Variants in CNDP1 observed in about 807,000 individuals in gnomAD.
CNDP1 encodes the protein carnosine dipeptidase 1, also known as beta-Ala-His dipeptidase.
A neutral mutation model predicts 58.1 loss-of-function variants in CNDP1; 44 were observed. The ratio of observed to expected loss-of-function variants is 0.76; its 90% CI spans 0.60 to 0.97. The LOEUF (loss-of-function observed/expected upper bound fraction) is 0.97. CNDP1 is among the 50% of genes least tolerant of loss of function. CNDP1 has a pLI of 0.00. For synonymous variants in CNDP1, 254 were observed against 252.6 expected, an observed-to-expected ratio of 1.01 and a Z score of -0.05; for missense variants, 616 against 655.1, an observed-to-expected ratio of 0.94 and a Z score of 0.65.
rs779379707 is a variant in CNDP1 at position 74,562,140 on chromosome 18, G to A, written c.555+5G>A. ...GCCTTCAGAGCCCTGGAGCAAGTAG[G>A]TGGCAGCTGTGTTTGGGAGAGAGGA... On this transcript the variant is annotated splice_donor_5th_base_variant and intron_variant, in intron 5 of 11. Transcript: ENST00000358821. 5.0e-6 allele frequency: 8 copies of A among 1,613,774 alleles called. No individual in the cohort carries two copies. The East Asian group carries it at 8.9e-5, about 18-fold the overall frequency.
At chr18:74,544,471 C>G (rs1980705930) in intron 1 of CNDP1, among the ~76,000 whole-genome samples, 1 of 151,920 alleles carries the variant, frequency 6.6e-6, no homozygotes, top group Non-Finnish European at 1.5e-5. Context: ...AATCCCAGCA[C>G]TTTGGGAGGC....
At chr18:74,563,062 C>T (rs1053860468) in intron 5 of CNDP1, among the ~76,000 whole-genome samples, 1 of 152,236 alleles carries the variant, frequency 6.6e-6, no homozygotes, top group African/African-American at 2.4e-5. Context: ...GCACCCTGTC[C>T]TGCAGAGCAG....
At chr18:74,555,852 C>T (rs776997613) in intron 1 of CNDP1, among the ~76,000 whole-genome samples, 4 of 152,152 alleles carry the variant, frequency 2.6e-5, no homozygotes, top group Non-Finnish European at 5.9e-5. Flanking sequence ...TGTTAAAGTA[C>T]TGTGATTTCA....
chr18:74,578,404 C>A lies in CNDP1; in HGVS notation c.1167+77C>A, dbSNP rs961813224. ...ATCCCGCACATCACGGCTTAGTGAG[C>A]AGTGAGGTTGCTACCATTGGAGTAT... On this transcript the variant is annotated intron_variant, in intron 9 of 11. Coordinates refer to ENST00000358821, the MANE Select transcript of CNDP1 (RefSeq NM_032649.6). The A allele has an allele frequency of 3.6e-6, 5 of 1,399,198 alleles. No individual in the cohort carries two copies. The African/African-American group carries it at 4.4e-5, about 12-fold the overall frequency. 86.7% of individuals were successfully genotyped at this position (1,399,198 alleles called of 1,614,324 possible). A position where few individuals can be genotyped will look rare whatever the true frequency, so the allele number is the denominator to read the frequency against.
intron 10 of CNDP1, among the ~76,000 whole-genome samples, chr18:74,581,136 G>T (rs1568301591): frequency 6.6e-6 from 1 of 151,786 alleles, no homozygotes; most frequent in African/African-American, 2.4e-5. Context: ...GGCTTTAATG[G>T]CCTTGGGCCA....
At chr18:74,583,494 C>G (rs1421713983) in intron 10 of CNDP1, 67 bp from the exon 11 acceptor site, 4 of 1,354,506 alleles carry the variant, frequency 3.0e-6, no homozygotes, top group Admixed American at 1.7e-5. Flanking sequence ...GAGGCACTGA[C>G]CTTGAGGAGC....
At chr18:74,542,650 T>A (rs1980654680) in intron 1 of CNDP1, among the ~76,000 whole-genome samples, 1 of 152,232 alleles carries the variant, frequency 6.6e-6, no homozygotes, top group African/African-American at 2.4e-5. Flanking sequence ...TCAAACCTCC[T>A]GAGTTGCTGG....
intron 5 of CNDP1, among the ~76,000 whole-genome samples, chr18:74,562,949 T>A (rs1981238661): frequency 6.6e-6 from 1 of 152,136 alleles, no homozygotes; most frequent in Non-Finnish European, 1.5e-5. Context: ...ATGTGTGCAC[T>A]CCTCCAGGTC....
chr18:74,539,706 G>T (rs776594218), intron 1 of CNDP1, among the ~76,000 whole-genome samples: 1 of 152,216 alleles, frequency 6.6e-6, no homozygotes, highest in African/African-American at 2.4e-5. Context: ...GACACTGCCT[G>T]CTTGCCAAGG....
chr18:74,541,941 TTGTGAAAG>T (rs1980635874), intron 1 of CNDP1, among the ~76,000 whole-genome samples: 1 of 152,070 alleles, frequency 6.6e-6, no homozygotes, highest in East Asian at 1.9e-4. Context: ...ATGGGGCGCA[TTGTGAAAG>T]GGAGAGAAAC....
At chr18:74,569,066 A>G (rs745478639) in intron 6 of CNDP1, among the ~76,000 whole-genome samples, 1 of 152,212 alleles carries the variant, frequency 6.6e-6, no homozygotes, top group Admixed American at 6.5e-5. Context: ...CTGACGTCTT[A>G]ATGAAGACCG....
intron 9 of CNDP1, among the ~76,000 whole-genome samples, chr18:74,579,725 G>C (rs1981740179): frequency 6.6e-6 from 1 of 152,180 alleles, no homozygotes; most frequent in African/African-American, 2.4e-5. Flanking sequence ...TCATTCACAG[G>C]GTACTGAGGA....
intron 10 of CNDP1, among the ~76,000 whole-genome samples, chr18:74,581,208 C>A (rs1032538814): frequency 1.4e-5 from 2 of 141,580 alleles, no homozygotes; most frequent in African/African-American, 5.3e-5. Context: ...CCCGGAGAGC[C>A]ACACCTATCC....
rs374853002 is a variant in CNDP1 at position 74,562,061 on chromosome 18, C to T, written c.481C>T (p.Arg161Ter). Reference protein sequence around the residue: ...LTEVDGKLYGRGATDNKGPVL... With the variant: ...LTEVDGKLYG ...CCTTTTTAAAGGGAAACTTTATGGA[C>T]GAGGAGCGACCGACAACAAAGGCCC... is the stretch of plus-strand genomic sequence containing the variant. The change falls in exon 5 of 12, where the codon CGA becomes TGA. Residue 161 changes from arginine (R) to a stop codon, truncating the protein, a stop_gained. Transcript: ENST00000358821. LOFTEE classifies it high-confidence loss of function. The T allele has an allele frequency of 3.0e-5, 48 of 1,613,852 alleles. No individual in the cohort carries two copies. In the East Asian group the frequency reaches 7.4e-4, roughly 25 times the overall value.
At chr18:74,540,879 G>A (rs1044131544) in intron 1 of CNDP1, among the ~76,000 whole-genome samples, 1 of 152,220 alleles carries the variant, frequency 6.6e-6, no homozygotes, top group Non-Finnish European at 1.5e-5. Flanking sequence ...CACATGATGT[G>A]TGGAATCCCT....
At chr18:74,575,417 A>G (rs1981605826) in intron 7 of CNDP1, among the ~76,000 whole-genome samples, 1 of 152,228 alleles carries the variant, frequency 6.6e-6, no homozygotes, top group Non-Finnish European at 1.5e-5. Context: ...TGACTGCATT[A>G]TCAGTGGGGA....
At chr18:74,555,020 CG>C in intron 1 of CNDP1, among the ~76,000 whole-genome samples, 1 of 152,232 alleles carries the variant, frequency 6.6e-6, no homozygotes. Context: ...CTCAAGGTCT[CG>C]GGGATGGCAC....
At chr18:74,568,248 A>C (rs180970143) in intron 6 of CNDP1, among the ~76,000 whole-genome samples, 9 of 152,324 alleles carry the variant, frequency 5.9e-5, no homozygotes, top group Middle Eastern at 6.8e-3. Context: ...CATACACGGA[A>C]ACACACATGG....
At position 74,556,368 on chromosome 18, in the gene CNDP1, CTGCTGG is replaced by C; in HGVS notation, c.56_61del (p.Leu19_Glu21delinsGln). 1 of 1,614,140 alleles carries C rather than the reference CTGCTGG, an allele frequency of 6.2e-7. No homozygotes were observed. The highest frequency in any genetic ancestry group is 8.5e-7 in the Non-Finnish European group (1 of 1,180,034). The stretch of plus-strand genomic sequence containing the variant: ...GTCCCTGCTGGCTGTGCTGCTGCTG[CTGCTGG>C]AGCGCGGCATGTTCTCCTCACCCTC... On this transcript the variant is annotated inframe_deletion, in exon 2 of 12. Coordinates refer to ENST00000358821, the MANE Select transcript of CNDP1 (RefSeq NM_032649.6).
Sources: gnomAD v4.1 joint callset for allele counts (sites outside exome capture counted in the v4.1 genomes callset) on GRCh38, gnomAD v4.1.1 for gene constraint, MANE v1.5 for transcripts, NCBI Gene and HGNC (gene_info 2026-07-23, HGNC 2026-07-21) for gene names.